Variants in DAGLA observed in about 807,000 individuals in gnomAD.
DAGLA encodes the protein diacylglycerol lipase-alpha.
In DAGLA, 22 loss-of-function variants were observed where a neutral mutation model predicts 102.6. That is an observed-to-expected ratio of 0.21 (90% CI 0.15 to 0.31). The LOEUF (loss-of-function observed/expected upper bound fraction) is 0.31. Among genes scored for constraint, DAGLA ranks in the 10% least tolerant of loss-of-function variants. DAGLA has a pLI of 1.00. For synonymous variants in DAGLA, 578 were observed against 628.9 expected (o/e 0.92, Z 1.21); for missense variants, 927 against 1,446.6 (o/e 0.64, Z 5.83).
rs1366385148 is a variant in DAGLA at position 61,746,705 on chromosome 11, C to G, written c.*2216C>G. The G allele has an allele frequency of 2.0e-5, 3 of 152,616 alleles. No individual in the cohort carries two copies. In the East Asian group the frequency reaches 5.6e-4, roughly 29 times the overall value. 9.5% of individuals were successfully genotyped at this position (152,616 alleles called of 1,614,324 possible). Reference sequence around the variant, plus strand: ...CCACCCCCCTCAGCCCCGTTCGGCTCAGACCGACCCCCACTCCATCCCCAG... The same window carrying G: ...CCACCCCCCTCAGCCCCGTTCGGCTGAGACCGACCCCCACTCCATCCCCAG... On this transcript the variant is annotated 3_prime_UTR_variant, in exon 20 of 20. Coordinates refer to ENST00000257215, the MANE Select transcript of DAGLA (RefSeq NM_006133.3).
chr11:61,736,976 G>A (rs536203084), intron 13 of DAGLA, among the ~76,000 whole-genome samples: 39 of 152,360 alleles, frequency 2.6e-4, no homozygotes, highest in South Asian at 1.2e-3. Context: ...GTTTGGAAGC[G>A]TAAATAAGAG....
chr11:61,682,788 A>G (rs531235937), intron 1 of DAGLA, among the ~76,000 whole-genome samples: 174 of 148,970 alleles, frequency 1.2e-3, no homozygotes, highest in Admixed American at 3.5e-3. Context: ...CAGAGCATCC[A>G]CAGATCGATG....
chr11:61,730,599 G>C (rs754567302), intron 8 of DAGLA, among the ~76,000 whole-genome samples: 1 of 152,158 alleles, frequency 6.6e-6, no homozygotes. Flanking sequence ...CAGACACTTT[G>C]CTGGGGCACC....
chr11:61,717,735 C>T (rs1196747509), intron 1 of DAGLA, among the ~76,000 whole-genome samples: 2 of 152,186 alleles, frequency 1.3e-5, no homozygotes, highest in South Asian at 2.1e-4. Flanking sequence ...CACTGGGTAC[C>T]CAGCAGGGTC....
intron 3 of DAGLA, among the ~76,000 whole-genome samples, chr11:61,721,798 G>A (rs1017350446): frequency 3.3e-5 from 5 of 152,250 alleles, no homozygotes; most frequent in Admixed American, 6.5e-5. Context: ...CACAGGGAGT[G>A]GGTGTTATTG....
intron 1 of DAGLA, among the ~76,000 whole-genome samples, chr11:61,692,923 T>C (rs897008118): frequency 1.3e-5 from 2 of 151,244 alleles, no homozygotes; most frequent in African/African-American, 2.4e-5. Flanking sequence ...CACAATTAGA[T>C]GGAGGAAAAA....
Position 61,731,455 on chromosome 11 carries a change from T to TC in DAGLA, c.974+17dup. 1 of 1,612,530 alleles carries TC rather than the reference T, an allele frequency of 6.2e-7. No individual in the cohort carries two copies. Among genetic ancestry groups the TC allele is most frequent in the African/African-American group, 1.3e-5 (1 of 75,060 alleles). ...TCGGTCCTGCTCGTGAGTACCCCTG[T>TC]CCCATCCCCCAGCGATTGCACCTCT... On this transcript the variant is annotated intron_variant, in intron 9 of 19. Transcript: ENST00000257215.
rs779975552 is a variant in DAGLA, at chr11:61,739,550, G to C, written c.1742G>C (p.Arg581Pro). 1 of 1,613,738 alleles carries C rather than the reference G, an allele frequency of 6.2e-7. No homozygotes were observed. The highest frequency in any genetic ancestry group is 1.1e-5 in the South Asian group (1 of 91,064). ...EVEVTTLAST[R>P]LWTHPSDLTI... ...GAGGTGACCACCCTGGCCAGCACGC[G>C]GCTCTGGACCCACCCCAGCGACCTA... The change falls in exon 17 of 20, where the codon CGG becomes CCG. Residue 581 changes from arginine (R) to proline (P), a missense_variant. Physicochemically the swap from Arg to Pro is moderately radical, Grantham distance 103. Coordinates refer to ENST00000257215, the MANE Select transcript of DAGLA (RefSeq NM_006133.3).
At chr11:61,683,402 C>T (rs1335712706) in intron 1 of DAGLA, among the ~76,000 whole-genome samples, 1 of 152,220 alleles carries the variant, frequency 6.6e-6, no homozygotes, top group Non-Finnish European at 1.5e-5. Flanking sequence ...GTCTCACCCG[C>T]TCCCTGCAGT....
intron 17 of DAGLA, 62 bp downstream of exon 17, chr11:61,739,723 C>A: frequency 6.5e-7 from 1 of 1,529,982 alleles, no homozygotes. Flanking sequence ...CAGTGGAGAG[C>A]AGGGCCGGCC....
At chr11:61,685,200 C>G (rs1400363037) in intron 1 of DAGLA, among the ~76,000 whole-genome samples, 1 of 152,158 alleles carries the variant, frequency 6.6e-6, no homozygotes, top group Non-Finnish European at 1.5e-5. Context: ...GTTTCCTAAT[C>G]TGTAAGATGG....
At chr11:61,681,447 G>C (rs888927830) in intron 1 of DAGLA, among the ~76,000 whole-genome samples, 3 of 152,038 alleles carry the variant, frequency 2.0e-5, no homozygotes, top group African/African-American at 7.2e-5. Flanking sequence ...AGTGGTGATC[G>C]GTGTCCCAGA....
chr11:61,743,378 A>G (rs940997097), intron 19 of DAGLA, among the ~76,000 whole-genome samples, 154 bp from the exon 20 acceptor site: 4 of 152,114 alleles, frequency 2.6e-5, no homozygotes, highest in East Asian at 1.9e-4. Flanking sequence ...AAAAAAAAAA[A>G]AAAGAAAATA....
chr11:61,705,580 C>A (rs1021514510), intron 1 of DAGLA, among the ~76,000 whole-genome samples: 3 of 152,240 alleles, frequency 2.0e-5, no homozygotes, highest in Admixed American at 6.5e-5. Flanking sequence ...GCAGCCTCCC[C>A]GCCTGAGCAC....
rs1011906891 is a variant in DAGLA, at chr11:61,744,672, A to G, written c.*183A>G. On this transcript the variant is annotated 3_prime_UTR_variant, in exon 20 of 20. Coordinates refer to ENST00000257215, the MANE Select transcript of DAGLA (RefSeq NM_006133.3). ...CCTCAGCTTAGGACCCCCAGAGCCA[A>G]GGTGGCTGGGATCTGGCCCCACAGA... 2.4e-5 allele frequency: 14 copies of G among 572,704 alleles called. No homozygotes were observed. Among genetic ancestry groups the G allele is most frequent in the East Asian group, 1.2e-4 (4 of 33,890 alleles). 35.5% of individuals were successfully genotyped at this position (572,704 alleles called of 1,614,324 possible). A position where few individuals can be genotyped will look rare whatever the true frequency, so the allele number is the denominator to read the frequency against.
At chr11:61,729,538 G>A (rs1167820729) in intron 8 of DAGLA, among the ~76,000 whole-genome samples, 1 of 151,362 alleles carries the variant, frequency 6.6e-6, no homozygotes, top group African/African-American at 2.4e-5. Context: ...TGGCAGCCGG[G>A]AGAAACAGGC....
At chr11:61,731,579 A>C (rs2065375568) in intron 9 of DAGLA, 138 bp downstream of exon 9, 2 of 1,208,614 alleles carry the variant, frequency 1.7e-6, no homozygotes, top group Non-Finnish European at 1.2e-6. Flanking sequence ...CAACCTTTCT[A>C]GTTCTGTGTT....
chr11:61,738,840 C>G (rs986584301), intron 16 of DAGLA, among the ~76,000 whole-genome samples: 10 of 152,116 alleles, frequency 6.6e-5, no homozygotes, highest in African/African-American at 2.4e-4. Context: ...CCCCCGCCCC[C>G]TGCCCCGGGC....
Position 61,728,273 on chromosome 11 carries a change from G to A in DAGLA, c.757G>A (p.Ala253Thr). The part of the protein sequence containing the change: ...LRQRQRAKRN[A>T]VLDEANNDIL... ...GCAGCGGCAGCGGGCCAAGCGCAAC[G>A]CCGTGCTGGACGAGGTGAGCACCAC... The change falls in exon 7 of 20, where the codon GCC (alanine) becomes ACC (threonine). Residue 253 changes from alanine (A) to threonine (T), a missense_variant. By Grantham distance (58) the Ala-to-Thr change is moderately conservative. Coordinates refer to ENST00000257215, the MANE Select transcript of DAGLA (RefSeq NM_006133.3). 3 of 1,612,128 alleles carry A rather than the reference G, an allele frequency of 1.9e-6. No homozygotes were observed. Among genetic ancestry groups the A allele is most frequent in the South Asian group, 1.1e-5 (1 of 91,050 alleles).
Sources: allele counts gnomAD v4.1 joint callset (sites outside exome capture counted in the v4.1 genomes callset), GRCh38; gene constraint gnomAD v4.1.1; transcripts MANE v1.5; gene names NCBI Gene and HGNC (gene_info 2026-07-23, HGNC 2026-07-21).